Variants in ERG observed in about 807,000 individuals in gnomAD.
The protein encoded by ERG is transcriptional regulator ERG.
ERG carries 9 observed loss-of-function variants against 55.3 expected under a neutral mutation model. The observed-to-expected ratio is 0.16, with a 90% confidence interval of 0.10 to 0.28. The LOEUF is 0.28. ERG is among the 10% of genes least tolerant of loss of function. ERG has a pLI of 1.00. For missense variants in ERG, 434 were observed against 631.6 expected, an observed-to-expected ratio of 0.69 and a Z score of 3.35; for synonymous variants, 223 against 237.3, an observed-to-expected ratio of 0.94 and a Z score of 0.55.
chr21:38,505,304 C>T (rs114866725), intron 2 of ERG, among the ~76,000 whole-genome samples: 59 of 152,262 alleles, frequency 3.9e-4, no homozygotes, highest in African/African-American at 1.3e-3. Context: ...ATGGTACGCT[C>T]CACATGGTAT....
chr21:38,649,907 C>T (rs1324614057), intron 1 of ERG, among the ~76,000 whole-genome samples: 1 of 152,230 alleles, frequency 6.6e-6, no homozygotes, highest in Admixed American at 6.5e-5. Context: ...ACGTATAATG[C>T]TAGACGCGAG....
chr21:38,391,111 T>C, intron 8 of ERG, 69 bp from the exon 9 acceptor site: 1 of 1,292,134 alleles, frequency 7.7e-7, no homozygotes, highest in Non-Finnish European at 1.1e-6. Context: ...ACTTCAGACA[T>C]AATGCCTGAC....
At chr21:38,405,619 T>C (rs1988729583) in intron 3 of ERG, among the ~76,000 whole-genome samples, 1 of 152,142 alleles carries the variant, frequency 6.6e-6, no homozygotes. Context: ...ATTCCAAGCG[T>C]GGTCCTCCAA....
intron 2 of ERG, among the ~76,000 whole-genome samples, chr21:38,541,800 T>G (rs1055982292): frequency 6.6e-6 from 1 of 152,192 alleles, no homozygotes; most frequent in Non-Finnish European, 1.5e-5. Flanking sequence ...AAATAGCTAA[T>G]GCATGTGTGG....
intron 2 of ERG, among the ~76,000 whole-genome samples, chr21:38,531,787 C>T (rs188311039): frequency 4.6e-5 from 7 of 152,184 alleles, no homozygotes; most frequent in African/African-American, 1.2e-4. Context: ...CAGAGTCAAG[C>T]GCTGCTGTGA....
intron 2 of ERG, among the ~76,000 whole-genome samples, chr21:38,548,023 T>A (rs1041174093): frequency 1.3e-5 from 2 of 152,248 alleles, no homozygotes; most frequent in Admixed American, 1.3e-4. Flanking sequence ...TTGTTCTACA[T>A]TGGTAATATG....
chr21:38,406,613 C>A (rs1601347287), intron 3 of ERG, among the ~76,000 whole-genome samples: 1 of 152,202 alleles, frequency 6.6e-6, no homozygotes, highest in Non-Finnish European at 1.5e-5. Context: ...CGAAACCCAC[C>A]TTTTTGTTTT....
chr21:38,623,857 G>T (rs1482792757), intron 1 of ERG, among the ~76,000 whole-genome samples: 1 of 152,182 alleles, frequency 6.6e-6, no homozygotes, highest in African/African-American at 2.4e-5. Context: ...ACAGCCATTA[G>T]ATTTCTTCAA....
chr21:38,559,886 T>C (rs1568912816), intron 2 of ERG, among the ~76,000 whole-genome samples: 1 of 152,208 alleles, frequency 6.6e-6, no homozygotes, highest in Non-Finnish European at 1.5e-5. Context: ...TTTCACCATG[T>C]TGGTCAGGCT....
chr21:38,549,700 T>C (rs116674918), intron 2 of ERG, among the ~76,000 whole-genome samples: 298 of 152,046 alleles, frequency 2.0e-3, no homozygotes, highest in African/African-American at 6.6e-3. Flanking sequence ...ACAGCAGTAA[T>C]ACAGAAATGA....
intron 2 of ERG, among the ~76,000 whole-genome samples, chr21:38,535,609 C>T (rs1343006652): frequency 2.6e-5 from 4 of 152,052 alleles, no homozygotes; most frequent in African/African-American, 9.7e-5. Flanking sequence ...ATGTGCTGGG[C>T]AGCCTGGAAG....
chr21:38,551,810 A>G (rs1341589608), intron 2 of ERG, among the ~76,000 whole-genome samples: 1 of 152,068 alleles, frequency 6.6e-6, no homozygotes, highest in Non-Finnish European at 1.5e-5. Flanking sequence ...AAGAATGCAT[A>G]TTGTGTCGTT....
rs536860175 is a variant in ERG at position 38,383,227 on chromosome 21, T to C, written c.*176A>G. On this transcript the variant is annotated 3_prime_UTR_variant, in exon 10 of 10. Coordinates refer to ENST00000288319, the MANE Select transcript of ERG (RefSeq NM_182918.4). The surrounding 1 kb of genome is among the most constrained non-coding windows in gnomAD (Gnocchi z 5.7). ...TTTAGCATCCTCCTCATTTCTGTAG[T>C]AAGACTTCAGTAACTCCCTCCCAAG... The C allele has an allele frequency of 3.1e-6, 4 of 1,306,090 alleles. 1 individual carries two copies. The South Asian group carries it at 1.2e-4, about 40-fold the overall frequency. 80.9% of individuals were successfully genotyped at this position (1,306,090 alleles called of 1,614,324 possible).
chr21:38,577,529 T>A (rs2060002108), intron 1 of ERG, among the ~76,000 whole-genome samples: 2 of 151,504 alleles, frequency 1.3e-5, no homozygotes, highest in South Asian at 2.1e-4. Context: ...AGTCCTGAAA[T>A]TGAACCGGGA....
At chr21:38,568,087 T>A (rs2059934134) in intron 2 of ERG, among the ~76,000 whole-genome samples, 1 of 152,150 alleles carries the variant, frequency 6.6e-6, no homozygotes, top group Non-Finnish European at 1.5e-5. Flanking sequence ...TCAATTTAAT[T>A]TTTTCCGTAA....
chr21:38,503,780 A>C (rs2059439327), intron 2 of ERG, among the ~76,000 whole-genome samples: 1 of 152,176 alleles, frequency 6.6e-6, no homozygotes, highest in African/African-American at 2.4e-5. Flanking sequence ...TGTAGATAAG[A>C]ATCAAGCATC....
intron 2 of ERG, among the ~76,000 whole-genome samples, chr21:38,513,675 G>A (rs1291167663): frequency 2.0e-5 from 3 of 152,148 alleles, no homozygotes; most frequent in Non-Finnish European, 4.4e-5. Context: ...TAAATATGAA[G>A]TGGAGCACAT....
At chr21:38,646,791 T>G (rs1389942073) in intron 1 of ERG, among the ~76,000 whole-genome samples, 7 of 150,226 alleles carry the variant, frequency 4.7e-5, no homozygotes, top group Admixed American at 3.3e-4. Flanking sequence ...GCATCTTTGT[T>G]GTTGTTGTTT....
intron 2 of ERG, among the ~76,000 whole-genome samples, chr21:38,548,964 T>A (rs557788158): frequency 6.6e-6 from 1 of 151,104 alleles, no homozygotes; most frequent in South Asian, 2.1e-4. Flanking sequence ...TACAAAAAAA[T>A]TAGCCAGGCA....
Sources: allele counts gnomAD v4.1 joint callset (sites outside exome capture counted in the v4.1 genomes callset), GRCh38; gene constraint gnomAD v4.1.1; non-coding constraint Gnocchi (gnomAD v3.1); transcripts MANE v1.5; gene names NCBI Gene and HGNC (gene_info 2026-07-23, HGNC 2026-07-21).